Variants in ZNF705G observed in about 807,000 individuals in gnomAD.
ZNF705G encodes putative zinc finger protein 705G.
In ZNF705G, 23 loss-of-function variants were observed where a neutral mutation model predicts 19.6. The observed-to-expected ratio is 1.17, with a 90% CI of 0.84 to 1.66. The LOEUF (loss-of-function observed/expected upper bound fraction) is 1.66, where lower values mean the gene tolerates loss of function less well. Ranked by LOEUF, ZNF705G falls within the 40% of genes most tolerant of loss-of-function variation. ZNF705G has a pLI of 0.00. For missense variants in ZNF705G, 457 were observed against 354.4 expected (o/e 1.29, Z -2.32); for synonymous variants, 146 against 117.7 (o/e 1.24, Z -1.56).
intron 2 of ZNF705G, among the ~76,000 whole-genome samples, chr8:7,368,562 T>A (rs1806962817): frequency 6.7e-6 from 1 of 149,800 alleles, no homozygotes; most frequent in South Asian, 2.1e-4. Flanking sequence ...GTAGTACTTG[T>A]AAGACCACTG....
chr8:7,384,494 TG>T (rs1807646017), intron 1 of ZNF705G, among the ~76,000 whole-genome samples: 2 of 145,890 alleles, frequency 1.4e-5, no homozygotes, highest in South Asian at 4.2e-4. Context: ...ATTAGAGAAA[TG>T]CAAATGAACC....
chr8:7,369,933 G>A (rs548164940), intron 2 of ZNF705G, among the ~76,000 whole-genome samples: 2 of 149,116 alleles, frequency 1.3e-5, no homozygotes, highest in East Asian at 3.9e-4. Context: ...CTATCTATTG[G>A]GTATTATGTT....
At chr8:7,380,069 G>C (rs1807420019) in intron 2 of ZNF705G, among the ~76,000 whole-genome samples, 1 of 143,024 alleles carries the variant, frequency 7.0e-6, no homozygotes, top group Non-Finnish European at 1.5e-5. Context: ...CAGGGAACTG[G>C]CAGTGCCATT....
rs1414824903 is a variant in ZNF705G at position 7,356,197 on chromosome 8, A to G, written c.*1779T>C. On this transcript the variant is annotated 3_prime_UTR_variant, in exon 7 of 7. Transcript: ENST00000400156. ...TGCTTCAGGAAAAGTACATTGAATC[A>G]AATATAGGAAAGGCTTGCAAGGTGG... is the stretch of plus-strand genomic sequence containing the variant. 1 of 149,536 alleles carries G rather than the reference A, an allele frequency of 6.7e-6. No homozygotes were observed. 9.3% of individuals were successfully genotyped at this position (149,536 alleles called of 1,614,324 possible). A position where few individuals can be genotyped will look rare whatever the true frequency, so the allele number is the denominator to read the frequency against.
intron 2 of ZNF705G, among the ~76,000 whole-genome samples, chr8:7,363,301 C>G (rs1430242521): frequency 6.8e-6 from 1 of 148,054 alleles, no homozygotes; most frequent in Admixed American, 6.6e-5. Context: ...ATTCAATTCC[C>G]TCACTGATTT....
chr8:7,360,477 G>C, intron 4 of ZNF705G, 145 bp from the exon 5 acceptor site: 1 of 1,344,930 alleles, frequency 7.4e-7, no homozygotes, highest in South Asian at 1.3e-5. Flanking sequence ...AAACTCCCCA[G>C]GATTTTTCTG....
In ZNF705G at chr8:7,369,108, G is replaced by A. The variant is rs111253520; in HGVS notation, c.-71-6091C>T. 5.7e-4 allele frequency among the ~76,000 whole-genome samples: 86 copies of A among 149,604 alleles called. 12 individuals are homozygous for A. Among genetic ancestry groups the A allele is most frequent in the African/African-American group, 1.8e-3 (72 of 39,020 alleles). On this transcript the variant is annotated intron_variant, in intron 2 of 6. Transcript: ENST00000400156. Reference sequence around the variant, plus strand: ...TCCCCTTATCAAACCATCACAACTCGTGAGACTTATTCACTACCACGAGAA... The same window carrying A: ...TCCCCTTATCAAACCATCACAACTCATGAGACTTATTCACTACCACGAGAA...
Position 7,383,163 on chromosome 8 carries a change from C to T in ZNF705G, c.-221-1562G>A, listed in dbSNP as rs1442592369. On this transcript the variant is annotated intron_variant, in intron 1 of 6. Coordinates refer to ENST00000400156, the MANE Select transcript of ZNF705G (RefSeq NM_001164457.3). The stretch of plus-strand genomic sequence containing the variant: ...TTTTTTTTTGCTACCTGGTTAAAAG[C>T]GATAATTCTAGGCAGGCTCTTACCA... Among the ~76,000 whole-genome samples the T allele has an allele frequency of 6.6e-4, 88 of 134,188 alleles. No individual in the cohort carries two copies. In the East Asian group the frequency reaches 0.012, roughly 19 times the overall value. 88.0% of individuals were successfully genotyped at this position (134,188 alleles called of 152,430 possible).
At position 7,358,171 on chromosome 8, in the gene ZNF705G, G is replaced by T; in HGVS notation, c.708C>A (p.Val236=). Residue 236 remains valine, a synonymous_variant, in exon 7 of 7, where the codon GTC becomes GTA. Transcript: ENST00000400156. ...RPYKCHQYGK[V]FIQSFNLQRH... ...TTTGAAGGTTAAAGGATTGAATAAA[G>T]ACTTTCCCATATTGATGACACTTAT... The T allele has an allele frequency of 6.2e-7, 1 of 1,607,406 alleles. No individual in the cohort carries two copies. Among genetic ancestry groups the T allele is most frequent in the Non-Finnish European group, 8.5e-7 (1 of 1,179,548 alleles).
intron 2 of ZNF705G, among the ~76,000 whole-genome samples, chr8:7,380,930 T>C (rs1807464581): frequency 7.4e-6 from 1 of 134,354 alleles, no homozygotes; most frequent in African/African-American, 3.6e-5. Flanking sequence ...GGCAGGAGAA[T>C]TGCTTGAGCC....
intron 2 of ZNF705G, among the ~76,000 whole-genome samples, chr8:7,369,427 A>G (rs1806999317): frequency 6.7e-6 from 1 of 149,468 alleles, no homozygotes; most frequent in African/African-American, 2.6e-5. Context: ...TGGAGCTCTG[A>G]GAAGACAGCC....
intron 2 of ZNF705G, among the ~76,000 whole-genome samples, chr8:7,365,145 A>T (rs1468282858): frequency 6.7e-6 from 1 of 149,682 alleles, no homozygotes; most frequent in East Asian, 1.9e-4. Context: ...GGAATCTATA[A>T]AAACTATTTC....
rs1176279024 is a variant in ZNF705G at position 7,357,472 on chromosome 8, T to G, written c.*504A>C. On this transcript the variant is annotated 3_prime_UTR_variant, in exon 7 of 7. Coordinates refer to ENST00000400156, the MANE Select transcript of ZNF705G (RefSeq NM_001164457.3). ...TTTCTCATGTTATTTGACAATAAATTGCAAATAAAAACATTTTCACACTGA... is the reference window on the plus strand; with the variant it reads ...TTTCTCATGTTATTTGACAATAAATGGCAAATAAAAACATTTTCACACTGA... The G allele has an allele frequency of 5.9e-6, 1 of 170,284 alleles. No individual in the cohort carries two copies. The highest frequency in any genetic ancestry group is 5.5e-5 in the Admixed American group (1 of 18,178). 10.5% of individuals were successfully genotyped at this position (170,284 alleles called of 1,614,324 possible).
At chr8:7,359,997 A>C (rs1185471945) in intron 5 of ZNF705G, among the ~76,000 whole-genome samples, 2 of 149,380 alleles carry the variant, frequency 1.3e-5, no homozygotes, top group East Asian at 3.8e-4. Context: ...GTTTAACCCC[A>C]GCCAAGTACA....
chr8:7,358,366 T>C lies in ZNF705G; in HGVS notation c.513A>G (p.Ser171=), dbSNP rs768634986. 1.4e-5 allele frequency: 22 copies of C among 1,607,514 alleles called. 1 individual carries two copies. Among genetic ancestry groups the C allele is most frequent in the Non-Finnish European group, 1.7e-5 (20 of 1,179,618 alleles). Residue 171 remains serine, a synonymous_variant, in exon 7 of 7, where the codon TCA becomes TCG. Transcript: ENST00000400156. Reference sequence around the variant, plus strand: ...CCTTTTCACATAGATTACACTGATATGATTTACCTTTAGTATGAATTTGTT... The same window carrying C: ...CCTTTTCACATAGATTACACTGATACGATTTACCTTTAGTATGAATTTGTT... ...PHKQIHTKGK[S]YQCNLCEKAY...
chr8:7,362,777 G>C (rs1033444317), intron 3 of ZNF705G, among the ~76,000 whole-genome samples, 158 bp downstream of exon 3: 1 of 149,264 alleles, frequency 6.7e-6, no homozygotes, highest in Non-Finnish European at 1.5e-5. Flanking sequence ...AAAGCCTCCT[G>C]ATTGCATTTG....
chr8:7,364,437 C>T (rs1170784020), intron 2 of ZNF705G, among the ~76,000 whole-genome samples: 1 of 149,614 alleles, frequency 6.7e-6, no homozygotes, highest in Non-Finnish European at 1.5e-5. Flanking sequence ...CCTTATTTAA[C>T]CCTCATAATA....
intron 2 of ZNF705G, among the ~76,000 whole-genome samples, chr8:7,368,795 C>A (rs1297747055): frequency 1.3e-5 from 2 of 149,566 alleles, no homozygotes; most frequent in African/African-American, 5.1e-5. Context: ...AGGTCTCAGC[C>A]ACTCCAGCTC....
chr8:7,365,547 T>A (rs1806818184), intron 2 of ZNF705G, among the ~76,000 whole-genome samples: 1 of 149,036 alleles, frequency 6.7e-6, no homozygotes, highest in Non-Finnish European at 1.5e-5. Flanking sequence ...CTCGGCTAAT[T>A]TTGTACTAGA....
Sources: gnomAD v4.1 joint callset for allele counts (sites outside exome capture counted in the v4.1 genomes callset) on GRCh38, gnomAD v4.1.1 for gene constraint, MANE v1.5 for transcripts, NCBI Gene and HGNC (gene_info 2026-07-23, HGNC 2026-07-21) for gene names.